The following BLTP3B variants were observed in gnomAD, a reference collection of about 807,000 sequenced individuals.
The protein encoded by BLTP3B is UHRF1 (ICBP90) binding protein 1-like.
the BLTP3B span, among the ~76,000 whole-genome samples, chr12:100,080,128 C>A: frequency 5.3e-5 from 8 of 152,294 alleles, no homozygotes; most frequent in East Asian, 1.5e-3. Flanking sequence ...GGGGTCAAAG[C>A]CCCCACACAA....
At chr12:100,055,221 T>G in the BLTP3B span, among the ~76,000 whole-genome samples, 1 of 152,218 alleles carries the variant, frequency 6.6e-6, no homozygotes, top group African/African-American at 2.4e-5. Flanking sequence ...TAAACTCTAC[T>G]ACTTACTAGC....
the BLTP3B span, chr12:100,084,630 A>G: frequency 4.3e-6 from 7 of 1,613,956 alleles, no homozygotes; most frequent in Non-Finnish European, 5.9e-6. Context: ...TTGCATCACT[A>G]AAATACATCC....
At chr12:100,048,763 TGA>T in the BLTP3B span, among the ~76,000 whole-genome samples, 10 of 87,800 alleles carry the variant, frequency 1.1e-4, no homozygotes, top group South Asian at 3.9e-4. Context: ...AGAGAGAGAG[TGA>T]GAGTGAGTGT....
At chr12:100,089,495 G>A in the BLTP3B span, among the ~76,000 whole-genome samples, 4 of 152,152 alleles carry the variant, frequency 2.6e-5, no homozygotes, top group South Asian at 8.3e-4. Flanking sequence ...GGGAGACAGA[G>A]GCTGCAGTGA....
At chr12:100,051,246 A>G in the BLTP3B span, 1 of 1,604,712 alleles carries the variant, frequency 6.2e-7, no homozygotes, top group East Asian at 2.2e-5. Context: ...AAGTAAATTA[A>G]TAAATTAAAG....
the BLTP3B span, among the ~76,000 whole-genome samples, chr12:100,041,429 C>CTTTT: frequency 9.8e-5 from 10 of 101,812 alleles, no homozygotes; most frequent in African/African-American, 3.7e-4. Flanking sequence ...GCTATTGTTA[C>CTTTT]TTTTTTTTTT....
chr12:100,051,289 T>A, the BLTP3B span: 1 of 1,407,904 alleles, frequency 7.1e-7, no homozygotes, highest in Non-Finnish European at 9.5e-7. Context: ...ACTGTATGCT[T>A]ATTTAACAAA....
the BLTP3B span, among the ~76,000 whole-genome samples, chr12:100,139,924 G>A: frequency 2.6e-5 from 4 of 152,182 alleles, no homozygotes; most frequent in Non-Finnish European, 5.9e-5. Flanking sequence ...GGTCAGGAAA[G>A]GTCACCTTTG....
At chr12:100,116,237 G>A in the BLTP3B span, among the ~76,000 whole-genome samples, 1 of 151,654 alleles carries the variant, frequency 6.6e-6, no homozygotes, top group Non-Finnish European at 1.5e-5. Context: ...GACACTTTGG[G>A]AAGCTGACGT....
chr12:100,057,559 T>A, the BLTP3B span: 13 of 1,599,970 alleles, frequency 8.1e-6, no homozygotes, highest in Non-Finnish European at 1.0e-5. Flanking sequence ...TTAAGCCGTA[T>A]CATAACTTTA....
At chr12:100,132,333 C>T in the BLTP3B span, among the ~76,000 whole-genome samples, 12 of 152,150 alleles carry the variant, frequency 7.9e-5, no homozygotes, top group Non-Finnish European at 1.3e-4. Flanking sequence ...GAAATCTGAT[C>T]CCGAATGTGA....
chr12:100,134,689 C>G, the BLTP3B span, among the ~76,000 whole-genome samples: 20 of 152,096 alleles, frequency 1.3e-4, no homozygotes, highest in African/African-American at 4.3e-4. Context: ...CTCCCATAAG[C>G]CTGCTCCTCC....
chr12:100,122,384 A>G, the BLTP3B span, among the ~76,000 whole-genome samples: 6 of 152,206 alleles, frequency 3.9e-5, no homozygotes, highest in African/African-American at 1.2e-4. Flanking sequence ...ACTAAAGTAG[A>G]GCCCAGACTA....
chr12:100,085,814 C>T, the BLTP3B span, among the ~76,000 whole-genome samples: 2 of 152,028 alleles, frequency 1.3e-5, no homozygotes, highest in Admixed American at 6.5e-5. Flanking sequence ...TTGTTAAGAG[C>T]CTATGAAATC....
chr12:100,134,138 A>C, the BLTP3B span, among the ~76,000 whole-genome samples: 553 of 152,118 alleles, frequency 3.6e-3, 5 homozygotes, highest in African/African-American at 0.013. Flanking sequence ...ATAAAAAAAA[A>C]CAACAATAGC....
chr12:100,141,247 G>A, the BLTP3B span, among the ~76,000 whole-genome samples: 1 of 151,490 alleles, frequency 6.6e-6, no homozygotes, highest in East Asian at 1.9e-4. Context: ...ACTCTGGGAG[G>A]CCGAGGACCG....
At chr12:100,038,723 T>G in the BLTP3B span, among the ~76,000 whole-genome samples, 1 of 152,180 alleles carries the variant, frequency 6.6e-6, no homozygotes, top group East Asian at 1.9e-4. Flanking sequence ...AGCCATTCCC[T>G]CATAATTAGG....
chr12:100,101,772 G>C, the BLTP3B span, among the ~76,000 whole-genome samples: 1 of 152,102 alleles, frequency 6.6e-6, no homozygotes, highest in African/African-American at 2.4e-5. Flanking sequence ...GAATTTTAGA[G>C]TAACCCAAAA....
At chr12:100,051,218 T>C in the BLTP3B span, 1 of 1,610,288 alleles carries the variant, frequency 6.2e-7, no homozygotes, top group Non-Finnish European at 8.5e-7. Flanking sequence ...GTTCTTTTTA[T>C]TTCCTGAAAT....
Sources: allele counts gnomAD v4.1 joint callset (sites outside exome capture counted in the v4.1 genomes callset), GRCh38; gene constraint gnomAD v4.1.1; transcripts MANE v1.5; gene names NCBI Gene and HGNC (gene_info 2026-07-23, HGNC 2026-07-21).